Variants in OSGEPL1 observed in about 807,000 individuals in gnomAD.
OSGEPL1 encodes the protein O-sialoglycoprotein endopeptidase like 1, also known as tRNA N6-adenosine threonylcarbamoyltransferase, mitochondrial.
A neutral mutation model predicts 37.2 loss-of-function variants in OSGEPL1; 26 were observed. The observed-to-expected ratio is 0.70, with a 90% CI of 0.51 to 0.97. The LOEUF (loss-of-function observed/expected upper bound fraction) is 0.97. Among genes scored for constraint, OSGEPL1 ranks in the 50% least tolerant of loss-of-function variants. The pLI is 0.00. For synonymous variants in OSGEPL1, 140 were observed against 159.9 expected (o/e 0.88, Z 0.94); for missense variants, 404 against 487.0 (o/e 0.83, Z 1.60).
chr2:189,747,861 T>G (rs1259244824), intron 8 of OSGEPL1, among the ~76,000 whole-genome samples: 1 of 152,154 alleles, frequency 6.6e-6, no homozygotes, highest in Admixed American at 6.5e-5. Context: ...AATTTTTGTA[T>G]TTTTAGTAGA....
intron 8 of OSGEPL1, among the ~76,000 whole-genome samples, chr2:189,747,975 T>C (rs548206729): frequency 1.7e-4 from 26 of 152,058 alleles, no homozygotes; most frequent in African/African-American, 6.0e-4. Context: ...TATGAGCCAC[T>C]GCGCCTGGCT....
chr2:189,754,212 T>G lies in OSGEPL1; in HGVS notation c.743A>C (p.Asn248Thr). The G allele has an allele frequency of 6.2e-7, 1 of 1,613,886 alleles. No individual in the cohort carries two copies. Among genetic ancestry groups the G allele is most frequent in the Non-Finnish European group, 8.5e-7 (1 of 1,179,806 alleles). The change falls in exon 4 of 9, where the codon AAT (asparagine) becomes ACT (threonine). Residue 248 changes from asparagine (N) to threonine (T), a missense_variant. By Grantham distance (65) the Asn-to-Thr change is moderately conservative. Transcript: ENST00000264151. ...AAGTCCAGTAAAAGAAAAATCACAA[T>G]TTTTAGCATGATGCAAGGGAGGTTT... ...DIKPPLHHAK[N>T]CDFSFTGLQH...
chr2:189,755,122 T>C (rs778229540), intron 3 of OSGEPL1, 51 bp downstream of exon 3: 5 of 1,572,542 alleles, frequency 3.2e-6, no homozygotes, highest in Non-Finnish European at 3.4e-6. Flanking sequence ...TGCTACTTAG[T>C]TGAAATGGAC....
At chr2:189,759,048 A>C (rs1436596082) in intron 2 of OSGEPL1, among the ~76,000 whole-genome samples, 1 of 152,086 alleles carries the variant, frequency 6.6e-6, no homozygotes, top group Non-Finnish European at 1.5e-5. Flanking sequence ...TGCACTATTA[A>C]TTCTCCTTGT....
At chr2:189,754,562 C>T in intron 3 of OSGEPL1, 1 of 509,342 alleles carries the variant, frequency 2.0e-6, no homozygotes. Flanking sequence ...ATCACTGCCC[C>T]TGTCTATGTT....
intron 5 of OSGEPL1, among the ~76,000 whole-genome samples, chr2:189,753,424 G>A (rs2045595055): frequency 6.6e-6 from 1 of 152,002 alleles, no homozygotes; most frequent in South Asian, 2.1e-4. Flanking sequence ...AGTTAAACAG[G>A]ATGTTTGTCA....
At chr2:189,761,335 T>G in intron 2 of OSGEPL1, 85 bp downstream of exon 2, 1 of 1,431,146 alleles carries the variant, frequency 7.0e-7, no homozygotes, top group Non-Finnish European at 9.3e-7. Flanking sequence ...CAGTAGCTCC[T>G]GAAAACTTTT....
Position 189,755,131 on chromosome 2 carries a change from A to G in OSGEPL1, c.609+42T>C. The G allele has an allele frequency of 1.9e-6, 3 of 1,581,482 alleles. No homozygotes were observed. The South Asian group carries it at 3.6e-5, about 19-fold the overall frequency. ...ATCTATTGCTACTTAGTTGAAATGG[A>G]CAACATAACAAAAAAGAATGGAGAA... On this transcript the variant is annotated intron_variant, in intron 3 of 8. Transcript: ENST00000264151.
At chr2:189,761,855 A>G (rs1337626167) in intron 1 of OSGEPL1, among the ~76,000 whole-genome samples, 195 bp from the exon 2 acceptor site, 2 of 152,190 alleles carry the variant, frequency 1.3e-5, no homozygotes, top group African/African-American at 4.8e-5. Flanking sequence ...CAGGGGTCAG[A>G]TATAAAATTT....
chr2:189,759,338 T>C (rs2046618468), intron 2 of OSGEPL1, among the ~76,000 whole-genome samples: 1 of 151,508 alleles, frequency 6.6e-6, no homozygotes, highest in African/African-American at 2.4e-5. Context: ...AAGCTCCGCC[T>C]CCCGGGTTCA....
rs2045689400 is a variant in OSGEPL1 at position 189,754,039 on chromosome 2, A to G, written c.840T>C (p.Ser280=). Residue 280 remains serine, a synonymous_variant, in exon 5 of 9, where the codon TCT becomes TCC. Transcript: ENST00000264151. ...CTGTGGCAGCAATGTCTGCTGCTGAAGACAGGATTTGCCCCTTCTCAATAC... is the reference window on the plus strand; with the variant it reads ...CTGTGGCAGCAATGTCTGCTGCTGAGGACAGGATTTGCCCCTTCTCAATAC... The part of the protein sequence containing the change: ...EEGIEKGQIL[S]SAADIAATVQ... 6.2e-7 allele frequency: 1 copy of G among 1,613,452 alleles called. No homozygotes were observed.
intron 2 of OSGEPL1, among the ~76,000 whole-genome samples, chr2:189,757,311 G>C (rs2046224427): frequency 6.6e-6 from 1 of 152,120 alleles, no homozygotes; most frequent in Non-Finnish European, 1.5e-5. Context: ...AGAAGTCAAG[G>C]GTGTCCTTCA....
In OSGEPL1 at chr2:189,761,629, C is replaced by A; in HGVS notation, c.12G>T (p.Leu4Phe). MLI[L>F]TKTAGVFFKP... ...TAAAAAAAACTCCTGCAGTCTTAGT[C>A]AAGATTAGCATACTTACTCTATAGA... The change falls in exon 2 of 9, where the codon TTG (leucine) becomes TTT (phenylalanine). Residue 4 changes from leucine (L) to phenylalanine (F), a missense_variant. Physicochemically the swap from Leu to Phe is conservative, Grantham distance 22. Transcript: ENST00000264151. 2 of 1,596,758 alleles carry A rather than the reference C, an allele frequency of 1.3e-6. No individual in the cohort carries two copies. The highest frequency in any genetic ancestry group is 2.3e-5 in the South Asian group (2 of 87,936).
At position 189,754,144 on chromosome 2, in the gene OSGEPL1, C is replaced by T. The variant is rs553841379; in HGVS notation, c.811G>A (p.Glu271Lys). Residue 271 changes from glutamate (E) to lysine (K), a missense_variant, in exon 4 of 9, where the codon GAA (glutamate) becomes AAA (lysine). By Grantham distance (56) the Glu-to-Lys change is moderately conservative (BLOSUM62 1). Transcript: ENST00000264151. Reference protein sequence around the residue: ...DKIIMKKEKEEGIEKGQILSS... With the variant: ...DKIIMKKEKEKGIEKGQILSS... Reference sequence around the variant, plus strand: ...ACTTTACTAATTAGAAATATACCTTCCTCTTTTTCCTTTTTCATTATTATT... The same window carrying T: ...ACTTTACTAATTAGAAATATACCTTTCTCTTTTTCCTTTTTCATTATTATT... 6 of 1,613,084 alleles carry T rather than the reference C, an allele frequency of 3.7e-6. No individual in the cohort carries two copies. The highest frequency in any genetic ancestry group is 5.1e-6 in the Non-Finnish European group (6 of 1,179,434).
chr2:189,761,527 T>C lies in OSGEPL1; in HGVS notation c.114A>G (p.Ile38Met). ...CACAACTAGTTTCAATTCCCAATACTATTTTATGAAGAAATAGTGTTCCAG... is the reference window on the plus strand; with the variant it reads ...CACAACTAGTTTCAATTCCCAATACCATTTTATGAAGAAATAGTGTTCCAG... ...FHPGTLFLHK[I>M]VLGIETSCDD... Residue 38 changes from isoleucine to methionine, a missense_variant, in exon 2 of 9, where the codon ATA (isoleucine) becomes ATG (methionine). Transcript: ENST00000264151. The C allele has an allele frequency of 6.2e-7, 1 of 1,612,784 alleles. No homozygotes were observed. Among genetic ancestry groups the C allele is most frequent in the African/African-American group, 1.3e-5 (1 of 75,020 alleles).
chr2:189,755,676 T>A, intron 2 of OSGEPL1, 116 bp from the exon 3 acceptor site: 1 of 1,113,998 alleles, frequency 9.0e-7, no homozygotes, highest in Non-Finnish European at 1.2e-6. Flanking sequence ...GTAAGTCAAG[T>A]ATTTTCTAAT....
chr2:189,752,939 C>A lies in OSGEPL1; in HGVS notation c.1004G>T (p.Arg335Ile), dbSNP rs1253505956. 1 of 1,613,150 alleles carries A rather than the reference C, an allele frequency of 6.2e-7. No homozygotes were observed. The highest frequency in any genetic ancestry group is 1.7e-4 in the Middle Eastern group (1 of 6,060). Residue 335 changes from arginine to isoleucine, a missense_variant, in exon 6 of 9, where the codon AGA becomes ATA. Coordinates refer to ENST00000264151, the MANE Select transcript of OSGEPL1 (RefSeq NM_022353.3). ...TGCATTTGTTAAAATTTCCAGAGCT[C>A]TGCGGATATAGAAGTTACTTGCGAC... ...GGVASNFYIRRALEILTNATQ... is the reference protein window; with the variant it reads ...GGVASNFYIRIALEILTNATQ...
At chr2:189,754,958 A>C in intron 3 of OSGEPL1, 1 of 565,956 alleles carries the variant, frequency 1.8e-6, no homozygotes, top group African/African-American at 1.9e-5. Context: ...GCCTTTATGT[A>C]CAGATATGAA....
intron 7 of OSGEPL1, 94 bp from the exon 8 acceptor site, chr2:189,750,750 TATCAAA>T: frequency 1.2e-6 from 1 of 856,388 alleles, no homozygotes; most frequent in Non-Finnish European, 1.7e-6. Flanking sequence ...ATGGTATAAA[TATCAAA>T]TATTTAATTC....
Sources: gnomAD v4.1 joint callset for allele counts (sites outside exome capture counted in the v4.1 genomes callset) on GRCh38, gnomAD v4.1.1 for gene constraint, MANE v1.5 for transcripts, NCBI Gene and HGNC (gene_info 2026-07-23, HGNC 2026-07-21) for gene names.